CD38: variants seen among roughly 807,000 people sequenced by gnomAD.
CD38 encodes ADP-ribosyl cyclase/cyclic ADP-ribose hydrolase 1.
CD38 carries 31 observed loss-of-function variants against 36.3 expected under a neutral mutation model. The observed-to-expected ratio is 0.85, with a 90% confidence interval of 0.64 to 1.15. The LOEUF is 1.15. CD38 is among the 50% of genes most tolerant of loss of function. CD38 has a pLI of 0.00. For synonymous variants in CD38, 131 were observed against 135.2 expected (o/e 0.97, Z 0.22); for missense variants, 380 against 371.9 (o/e 1.02, Z -0.18).
intron 1 of CD38, among the ~76,000 whole-genome samples, chr4:15,806,336 G>A (rs886082704): frequency 6.6e-6 from 1 of 152,184 alleles, no homozygotes; most frequent in African/African-American, 2.4e-5. Flanking sequence ...ATCCTATTCT[G>A]TGGGTAGGGC....
At chr4:15,825,394 C>A in intron 3 of CD38, 1 of 210,904 alleles carries the variant, frequency 4.7e-6, no homozygotes, top group South Asian at 9.3e-5. Context: ...TTTGTAATGA[C>A]CAGCTGTCCT....
At chr4:15,832,729 CT>C (rs1723984691) in intron 3 of CD38, among the ~76,000 whole-genome samples, 1 of 152,170 alleles carries the variant, frequency 6.6e-6, no homozygotes, top group Admixed American at 6.5e-5. Flanking sequence ...CACTTCCTAG[CT>C]GCCATCTATA....
intron 3 of CD38, among the ~76,000 whole-genome samples, chr4:15,826,278 CAT>C (rs1027573220): frequency 4.7e-4 from 72 of 152,158 alleles, no homozygotes; most frequent in African/African-American, 1.6e-3. Flanking sequence ...CTAATGTAAA[CAT>C]ATATATTTAA....
In CD38 at chr4:15,840,090, G is replaced by A. The variant is rs1361099516; in HGVS notation, c.724G>A (p.Val242Met). ...PEKVQTLEAW[V>M]IHGGREDSRD... Reference sequence around the variant, plus strand: ...GAAGGTTCAGACACTAGAGGCCTGGGTGATACATGGTGGAAGAGAAGATTC... The same window carrying A: ...GAAGGTTCAGACACTAGAGGCCTGGATGATACATGGTGGAAGAGAAGATTC... Residue 242 changes from valine to methionine, a missense_variant, in exon 6 of 8, where the codon GTG becomes ATG. Val to Met is a conservative substitution (Grantham distance 21). Transcript: ENST00000226279. 8 of 1,612,118 alleles carry A rather than the reference G, an allele frequency of 5.0e-6. No homozygotes were observed. In the Middle Eastern group the frequency reaches 8.3e-4, roughly 166 times the overall value.
intron 3 of CD38, among the ~76,000 whole-genome samples, chr4:15,833,272 C>G (rs1266298871): frequency 6.6e-6 from 1 of 152,216 alleles, no homozygotes; most frequent in Non-Finnish European, 1.5e-5. Context: ...AGGCCCATGA[C>G]ATACTAATTG....
intron 3 of CD38, 24 bp from the exon 4 acceptor site, chr4:15,834,193 T>C (rs763153788): frequency 5.2e-5 from 78 of 1,492,508 alleles, no homozygotes; most frequent in Non-Finnish European, 7.1e-5. Context: ...TTCCACTTTA[T>C]TTTCTACAAA....
At chr4:15,812,204 T>C (rs996378643) in intron 1 of CD38, among the ~76,000 whole-genome samples, 2 of 152,224 alleles carry the variant, frequency 1.3e-5, no homozygotes, top group Admixed American at 6.5e-5. Flanking sequence ...TGTAGCATTG[T>C]AGTAAGTTTT....
intron 4 of CD38, among the ~76,000 whole-genome samples, chr4:15,836,989 CA>C (rs1459207921): frequency 6.6e-6 from 1 of 152,212 alleles, no homozygotes; most frequent in Non-Finnish European, 1.5e-5. Context: ...CCACCCACTT[CA>C]AAAATAATTC....
chr4:15,815,159 A>G (rs763540823), intron 1 of CD38, among the ~76,000 whole-genome samples: 13 of 151,676 alleles, frequency 8.6e-5, no homozygotes, highest in Non-Finnish European at 1.3e-4. Context: ...CTAGTACTGT[A>G]GTTACTGTAG....
In CD38 at chr4:15,792,640, A is replaced by T. The variant is rs183100878; in HGVS notation, c.233+13993A>T. On this transcript the variant is annotated intron_variant, in intron 1 of 7. Coordinates refer to ENST00000226279, the MANE Select transcript of CD38 (RefSeq NM_001775.4). Reference sequence around the variant, plus strand: ...TTCTTATTTCATCTATTTACCCATTAAAAAAAAAGTGTACTTTAAAGCGAA... The same window carrying T: ...TTCTTATTTCATCTATTTACCCATTTAAAAAAAAGTGTACTTTAAAGCGAA... Among the ~76,000 whole-genome samples the T allele has an allele frequency of 2.2e-3, 327 of 150,544 alleles. 1 individual carries two copies. Among genetic ancestry groups the T allele is most frequent in the Admixed American group, 4.4e-3 (67 of 15,098 alleles).
At chr4:15,835,363 CTTTTTTTTTTTTTTTTTTTTT>C (rs35143834) in intron 4 of CD38, among the ~76,000 whole-genome samples, 1 of 57,668 alleles carries the variant, frequency 1.7e-5, no homozygotes, top group East Asian at 7.0e-4. Flanking sequence ...GACAGGAATA[CTTTTTTTTTTTTTTTTTTTTT>C]TTTTTTTTTT....
At chr4:15,794,314 C>T (rs1723064377) in intron 1 of CD38, among the ~76,000 whole-genome samples, 1 of 152,144 alleles carries the variant, frequency 6.6e-6, no homozygotes, top group Non-Finnish European at 1.5e-5. Context: ...CAGTTTCAGG[C>T]ATCACTGAGG....
At chr4:15,838,201 C>G (rs1410545588) in intron 5 of CD38, 36 bp downstream of exon 5, 1 of 1,397,702 alleles carries the variant, frequency 7.2e-7, no homozygotes, top group African/African-American at 1.4e-5. Flanking sequence ...TGCAAGTATC[C>G]TGTTGCAAAT....
chr4:15,787,287 GA>G (rs1226515105), intron 1 of CD38, among the ~76,000 whole-genome samples: 17 of 152,374 alleles, frequency 1.1e-4, no homozygotes, highest in African/African-American at 4.1e-4. Context: ...TGGACCCTGA[GA>G]GAGATTAAGT....
rs200623861 is a variant in CD38 at position 15,840,536 on chromosome 4, C to T, written c.837C>T (p.Tyr279=). The T allele has an allele frequency of 3.9e-6, 6 of 1,534,482 alleles. No individual in the cohort carries two copies. Among genetic ancestry groups the T allele is most frequent in the East Asian group, 2.3e-5 (1 of 44,378 alleles). The change falls in exon 7 of 8, where the codon TAC becomes TAT. Residue 279 remains tyrosine, a splice_region_variant and synonymous_variant. Coordinates refer to ENST00000226279, the MANE Select transcript of CD38 (RefSeq NM_001775.4). ...RNIQFSCKNI[Y]RPDKFLQCVK... The stretch of plus-strand genomic sequence containing the variant: ...TTCAATTTTCCTGCAAGAATATCTA[C>T]AGGTAATTAATTTCTTCTTGAAGAA...
At chr4:15,824,809 C>T in intron 2 of CD38, 72 bp from the exon 3 acceptor site, 3 of 1,223,728 alleles carry the variant, frequency 2.5e-6, no homozygotes, top group African/African-American at 1.5e-5. Context: ...TTTTCATTTA[C>T]AAAACTGTGG....
chr4:15,850,013 G>A lies in CD38; in HGVS notation c.*1411G>A, dbSNP rs1473675117. 6.6e-6 allele frequency: 1 copy of A among 151,920 alleles called. No homozygotes were observed. Among genetic ancestry groups the A allele is most frequent in the Non-Finnish European group, 1.5e-5 (1 of 67,940 alleles). 9.4% of individuals were successfully genotyped at this position (151,920 alleles called of 1,614,324 possible). A position where few individuals can be genotyped will look rare whatever the true frequency, so the allele number is the denominator to read the frequency against. ...TAACATCTGGAGATTTTCTAGTTTT[G>A]AAAAAAACATAAGCCAGGCATGGTG... On this transcript the variant is annotated 3_prime_UTR_variant, in exon 8 of 8. Transcript: ENST00000226279.
chr4:15,826,461 A>ACGCACG (rs1553874518), intron 3 of CD38, among the ~76,000 whole-genome samples: 4 of 80,030 alleles, frequency 5.0e-5, no homozygotes, highest in Non-Finnish European at 8.2e-5. Context: ...TTTTGTGCGC[A>ACGCACG]CACACACACA....
chr4:15,790,827 C>T (rs1292741214), intron 1 of CD38, among the ~76,000 whole-genome samples: 2 of 148,888 alleles, frequency 1.3e-5, no homozygotes, highest in African/African-American at 2.5e-5. Flanking sequence ...TCTGCCCCGC[C>T]GCCCTGTCTG....
Sources: gnomAD v4.1 joint callset for allele counts (sites outside exome capture counted in the v4.1 genomes callset) on GRCh38, gnomAD v4.1.1 for gene constraint, MANE v1.5 for transcripts, NCBI Gene and HGNC (gene_info 2026-07-23, HGNC 2026-07-21) for gene names.